The following TRIM59 variants were observed in gnomAD, a reference collection of about 807,000 sequenced individuals.
The protein encoded by TRIM59 is tripartite motif containing 59, also known as tripartite motif-containing protein 59.
TRIM59 carries 14 observed loss-of-function variants against 32.2 expected under a neutral mutation model. That is an observed-to-expected ratio of 0.43 (90% CI 0.29 to 0.68). The LOEUF (loss-of-function observed/expected upper bound fraction) is 0.68, where lower values mean the gene tolerates loss of function less well. Among genes scored for constraint, TRIM59 ranks in the 30% least tolerant of loss-of-function variants. TRIM59 has a pLI of 0.15. For synonymous variants in TRIM59, 163 were observed against 155.1 expected, an observed-to-expected ratio of 1.05 and a Z score of -0.38; for missense variants, 471 against 463.3, an observed-to-expected ratio of 1.02 and a Z score of -0.15.
chr3:160,436,879 A>G lies in TRIM59; in HGVS notation c.*1093T>C. ...CTTAAGGGAATGTGGTAGAAAATTTAAATGAGTTAAGATGAATAAAGTCCA... is the reference window on the plus strand; with the variant it reads ...CTTAAGGGAATGTGGTAGAAAATTTGAATGAGTTAAGATGAATAAAGTCCA... On this transcript the variant is annotated 3_prime_UTR_variant, in exon 3 of 3. Coordinates refer to ENST00000309784, the MANE Select transcript of TRIM59 (RefSeq NM_173084.3). The G allele has an allele frequency of 2.0e-6, 2 of 985,058 alleles. No individual in the cohort carries two copies. The highest frequency in any genetic ancestry group is 2.4e-6 in the Non-Finnish European group (2 of 829,800). The allele number at this position is 985,058 out of a possible 1,614,324, so 61.0% of individuals were successfully genotyped here.
chr3:160,437,513 CTT>C lies in TRIM59; in HGVS notation c.*457_*458del. Reference sequence around the variant, plus strand: ...TAAGCCATGCCTTATCACTTTAAGACTTTGTTGCTTGATTTTGAAACCTTTCT... The same window carrying C: ...TAAGCCATGCCTTATCACTTTAAGACTGTTGCTTGATTTTGAAACCTTTCT... On this transcript the variant is annotated 3_prime_UTR_variant, in exon 3 of 3. Transcript: ENST00000309784. 1.0e-6 allele frequency: 1 copy of C among 985,612 alleles called. No individual in the cohort carries two copies. Among genetic ancestry groups the C allele is most frequent in the Admixed American group, 6.1e-5 (1 of 16,286 alleles). 61.1% of individuals were successfully genotyped at this position (985,612 alleles called of 1,614,324 possible). A position where few individuals can be genotyped will look rare whatever the true frequency, so the allele number is the denominator to read the frequency against.
Position 160,437,298 on chromosome 3 carries a change from G to A in TRIM59, c.*674C>T, listed in dbSNP as rs1005179292. 1 of 879,808 alleles carries A rather than the reference G, an allele frequency of 1.1e-6. No homozygotes were observed. Among genetic ancestry groups the A allele is most frequent in the East Asian group, 1.2e-4 (1 of 8,298 alleles). The allele number at this position is 879,808 out of a possible 1,614,324, so 54.5% of individuals were successfully genotyped here. ...GAGCCTGGGTGGTCGAAACTGCAGT[G>A]AGTCATGACCAGACAACTACACTCC... On this transcript the variant is annotated 3_prime_UTR_variant, in exon 3 of 3. Coordinates refer to ENST00000309784, the MANE Select transcript of TRIM59 (RefSeq NM_173084.3).
chr3:160,446,838 G>A (rs1719561729), intron 2 of TRIM59, among the ~76,000 whole-genome samples: 1 of 152,200 alleles, frequency 6.6e-6, no homozygotes, highest in Non-Finnish European at 1.5e-5. Flanking sequence ...TCTAGGTTGT[G>A]GCTCACTGTG....
chr3:160,437,772 G>A lies in TRIM59; in HGVS notation c.*200C>T. Reference sequence around the variant, plus strand: ...TGTATTACTTTTCAAATTGTTACTAGATTCTGTTTCCCAAAGATTTGACTA... The same window carrying A: ...TGTATTACTTTTCAAATTGTTACTAAATTCTGTTTCCCAAAGATTTGACTA... On this transcript the variant is annotated 3_prime_UTR_variant, in exon 3 of 3. Coordinates refer to ENST00000309784, the MANE Select transcript of TRIM59 (RefSeq NM_173084.3). The A allele has an allele frequency of 1.6e-6, 2 of 1,234,418 alleles. No individual in the cohort carries two copies. The highest frequency in any genetic ancestry group is 2.0e-6 in the Non-Finnish European group (2 of 989,696). 76.5% of individuals were successfully genotyped at this position (1,234,418 alleles called of 1,614,324 possible). A position where few individuals can be genotyped will look rare whatever the true frequency, so the allele number is the denominator to read the frequency against.
chr3:160,439,570 CTT>C (rs1187262988), intron 2 of TRIM59, among the ~76,000 whole-genome samples: 1 of 152,170 alleles, frequency 6.6e-6, no homozygotes, highest in Admixed American at 6.5e-5. Flanking sequence ...CGGTAGATAA[CTT>C]TAGTCATGGG....
chr3:160,449,777 G>A lies in TRIM59; in HGVS notation c.-134C>T. 5 of 1,271,208 alleles carry A rather than the reference G, an allele frequency of 3.9e-6. No individual in the cohort carries two copies. Among genetic ancestry groups the A allele is most frequent in the Non-Finnish European group, 4.1e-6 (4 of 971,914 alleles). The allele number at this position is 1,271,208 out of a possible 1,614,324, so 78.7% of individuals were successfully genotyped here. ...CGGAAACACAGCGCCACGAGCTCCA[G>A]GCGGATGCTGAGAGCCGCCCCGAGT... On this transcript the variant is annotated 5_prime_UTR_variant, in exon 1 of 3. Coordinates refer to ENST00000309784, the MANE Select transcript of TRIM59 (RefSeq NM_173084.3).
chr3:160,448,750 C>CT lies in TRIM59; in HGVS notation c.-29dup, dbSNP rs761042938. 7.0e-6 allele frequency: 9 copies of CT among 1,281,664 alleles called. No individual in the cohort carries two copies. The South Asian group carries it at 1.1e-4, about 16-fold the overall frequency. 79.4% of individuals were successfully genotyped at this position (1,281,664 alleles called of 1,614,324 possible). A position where few individuals can be genotyped will look rare whatever the true frequency, so the allele number is the denominator to read the frequency against. On this transcript the variant is annotated 5_prime_UTR_variant, in exon 2 of 3. Transcript: ENST00000309784. ...CTTTGTTGATCTCGTGGTTTGGGGG[C>CT]TGAATACACTCTTCTCCAACTCCTC...
Position 160,436,511 on chromosome 3 carries a change from T to A in TRIM59, c.*1461A>T. 1.0e-6 allele frequency: 1 copy of A among 985,666 alleles called. No individual in the cohort carries two copies. The highest frequency in any genetic ancestry group is 1.2e-6 in the Non-Finnish European group (1 of 829,982). 61.1% of individuals were successfully genotyped at this position (985,666 alleles called of 1,614,324 possible). ...TAAGCAAAGCTAATAAAAGATTAAG[T>A]TGTTGGGCCGGGCGTGGCGGCTCAC... is the stretch of plus-strand genomic sequence containing the variant. On this transcript the variant is annotated 3_prime_UTR_variant, in exon 3 of 3. Coordinates refer to ENST00000309784, the MANE Select transcript of TRIM59 (RefSeq NM_173084.3).
At position 160,438,244 on chromosome 3, in the gene TRIM59, A is replaced by G; in HGVS notation, c.940T>C (p.Cys314Arg). The G allele has an allele frequency of 6.2e-7, 1 of 1,613,916 alleles. No homozygotes were observed. The highest frequency in any genetic ancestry group is 1.1e-5 in the South Asian group (1 of 91,068). ...TTTTCATCCTTACCAGGCCAGGAACATGACATCCTTTTTGGAGAAATTTTC... is the reference window on the plus strand; with the variant it reads ...TTTTCATCCTTACCAGGCCAGGAACGTGACATCCTTTTTGGAGAAATTTTC... ...KMKISPKRMSCSWPGKDEKEV... is the reference protein window; with the variant it reads ...KMKISPKRMSRSWPGKDEKEV... The change falls in exon 3 of 3, where the codon TGT becomes CGT. Residue 314 changes from cysteine (C) to arginine (R), a missense_variant. Cys to Arg is a radical substitution (Grantham distance 180). Transcript: ENST00000309784.
chr3:160,437,510 A>G lies in TRIM59; in HGVS notation c.*462T>C. On this transcript the variant is annotated 3_prime_UTR_variant, in exon 3 of 3. Transcript: ENST00000309784. ...CTTTAAGCCATGCCTTATCACTTTA[A>G]GACTTTGTTGCTTGATTTTGAAACC... 1.0e-6 allele frequency: 1 copy of G among 985,648 alleles called. No homozygotes were observed. Among genetic ancestry groups the G allele is most frequent in the Non-Finnish European group, 1.2e-6 (1 of 830,078 alleles). 61.1% of individuals were successfully genotyped at this position (985,648 alleles called of 1,614,324 possible). A position where few individuals can be genotyped will look rare whatever the true frequency, so the allele number is the denominator to read the frequency against.
At chr3:160,446,784 C>G (rs1340850816) in intron 2 of TRIM59, among the ~76,000 whole-genome samples, 1 of 152,216 alleles carries the variant, frequency 6.6e-6, no homozygotes, top group Non-Finnish European at 1.5e-5. Context: ...GCATTAGATT[C>G]TCATAACAGC....
In TRIM59 at chr3:160,439,055, G is replaced by T; in HGVS notation, c.129C>A (p.Asn43Lys). ...CLENILQASG[N>K]FYIWRPLRIP... ...TTCGTAAAGGTCTCCATATATAAAA[G>T]TTACCAGATGCCTGAAGAATGTTTT... is the stretch of plus-strand genomic sequence containing the variant. The change falls in exon 3 of 3, where the codon AAC becomes AAA. Residue 43 changes from asparagine (N) to lysine (K), a missense_variant. Coordinates refer to ENST00000309784, the MANE Select transcript of TRIM59 (RefSeq NM_173084.3). 1 of 1,580,312 alleles carries T rather than the reference G, an allele frequency of 6.3e-7. No individual in the cohort carries two copies. The highest frequency in any genetic ancestry group is 8.6e-7 in the Non-Finnish European group (1 of 1,164,306).
chr3:160,436,563 C>T lies in TRIM59; in HGVS notation c.*1409G>A. On this transcript the variant is annotated 3_prime_UTR_variant, in exon 3 of 3. Coordinates refer to ENST00000309784, the MANE Select transcript of TRIM59 (RefSeq NM_173084.3). ...CCTATAATCCCAGCATTTTGGGAGG[C>T]TGAGGCGAGTGGATCATGAGGTCAG... 1.0e-6 allele frequency: 1 copy of T among 972,064 alleles called. No homozygotes were observed. Among genetic ancestry groups the T allele is most frequent in the Non-Finnish European group, 1.2e-6 (1 of 817,738 alleles). 60.2% of individuals were successfully genotyped at this position (972,064 alleles called of 1,614,324 possible). A position where few individuals can be genotyped will look rare whatever the true frequency, so the allele number is the denominator to read the frequency against.
In TRIM59 at chr3:160,438,860, G is replaced by A; in HGVS notation, c.324C>T (p.Tyr108=). 1 of 1,614,002 alleles carries A rather than the reference G, an allele frequency of 6.2e-7. No individual in the cohort carries two copies. The highest frequency in any genetic ancestry group is 1.3e-5 in the African/African-American group (1 of 75,032). Residue 108 remains tyrosine, a synonymous_variant, in exon 3 of 3, where the codon TAC becomes TAT. Coordinates refer to ENST00000309784, the MANE Select transcript of TRIM59 (RefSeq NM_173084.3). Reference sequence around the variant, plus strand: ...AAACTAATTTTTTATCTAATAGACAGTAAACATTTAATGGTTGCCTGTAAT... The same window carrying A: ...AAACTAATTTTTTATCTAATAGACAATAAACATTTAATGGTTGCCTGTAAT... ...PEHYRQPLNV[Y]CLLDKKLVCG... is the part of the protein sequence containing the mutation.
At position 160,439,109 on chromosome 3, in the gene TRIM59, G is replaced by A; in HGVS notation, c.75C>T (p.Cys25=). The A allele has an allele frequency of 2.0e-6, 3 of 1,533,982 alleles. No homozygotes were observed. The highest frequency in any genetic ancestry group is 2.6e-6 in the Non-Finnish European group (3 of 1,142,334). The change falls in exon 3 of 3, where the codon TGC becomes TGT. Residue 25 remains cysteine (C), a synonymous_variant. Coordinates refer to ENST00000309784, the MANE Select transcript of TRIM59 (RefSeq NM_173084.3). ...SIFEDPRVLP[C]SHTFCRNCLE... ...AACAATTTCTACAAAATGTATGAGA[G>A]CATGGCAGTACACGAGGATCTTCAA... is the stretch of plus-strand genomic sequence containing the variant.
intron 2 of TRIM59, among the ~76,000 whole-genome samples, chr3:160,445,608 T>C (rs1258958392): frequency 9.2e-5 from 14 of 151,414 alleles, no homozygotes; most frequent in Admixed American, 9.2e-4. Flanking sequence ...ACCCCATCTC[T>C]ACTAAAAATA....
In TRIM59 at chr3:160,437,035, T is replaced by C; in HGVS notation, c.*937A>G. 1 of 985,160 alleles carries C rather than the reference T, an allele frequency of 1.0e-6. No individual in the cohort carries two copies. The highest frequency in any genetic ancestry group is 1.2e-6 in the Non-Finnish European group (1 of 829,880). 61.0% of individuals were successfully genotyped at this position (985,160 alleles called of 1,614,324 possible). A position where few individuals can be genotyped will look rare whatever the true frequency, so the allele number is the denominator to read the frequency against. On this transcript the variant is annotated 3_prime_UTR_variant, in exon 3 of 3. Coordinates refer to ENST00000309784, the MANE Select transcript of TRIM59 (RefSeq NM_173084.3). The stretch of plus-strand genomic sequence containing the variant: ...AAAACAATCTTAAATTTGCACAAAC[T>C]ATAGAATATGACAAGTATTAGAAAA...
intron 2 of TRIM59, 71 bp downstream of exon 2, chr3:160,448,655 G>T: frequency 2.3e-6 from 2 of 878,386 alleles, no homozygotes; most frequent in Non-Finnish European, 3.2e-6. Flanking sequence ...ATTTCACTTT[G>T]TAGTTTAAAT....
chr3:160,447,172 A>C (rs564549041), intron 2 of TRIM59, among the ~76,000 whole-genome samples: 1 of 152,334 alleles, frequency 6.6e-6, no homozygotes, highest in South Asian at 2.1e-4. Context: ...AAAATTTTCA[A>C]GCGTCTTGCC....
Sources: gnomAD v4.1 joint callset for allele counts (sites outside exome capture counted in the v4.1 genomes callset) on GRCh38, gnomAD v4.1.1 for gene constraint, MANE v1.5 for transcripts, NCBI Gene and HGNC (gene_info 2026-07-23, HGNC 2026-07-21) for gene names.